The following LRGUK variants were observed in gnomAD, a reference collection of about 807,000 sequenced individuals.
The protein encoded by LRGUK is leucine-rich repeat and guanylate kinase domain-containing protein.
A neutral mutation model predicts 76.0 loss-of-function variants in LRGUK; 65 were observed. That is an observed-to-expected ratio of 0.85 (90% CI 0.70 to 1.05). The LOEUF (loss-of-function observed/expected upper bound fraction) is 1.05, where lower values mean the gene tolerates loss of function less well. Ranked by LOEUF, LRGUK falls within the 50% of genes least tolerant of loss-of-function variation. The pLI is 0.00. For synonymous variants in LRGUK, 268 were observed against 265.6 expected, an observed-to-expected ratio of 1.01 and a Z score of -0.09; for missense variants, 758 against 732.8, an observed-to-expected ratio of 1.03 and a Z score of -0.40.
chr7:134,185,192 C>T (rs1267229884), intron 11 of LRGUK, among the ~76,000 whole-genome samples: 2 of 151,930 alleles, frequency 1.3e-5, no homozygotes, highest in South Asian at 2.1e-4. Context: ...AAACTAGAAC[C>T]ATCCAAAAAA....
chr7:134,275,098 C>A, the LRGUK span, among the ~76,000 whole-genome samples: 1 of 151,984 alleles, frequency 6.6e-6, no homozygotes, highest in Non-Finnish European at 1.5e-5. Flanking sequence ...TTTTTCTCTA[C>A]TCTGATGTAT....
intron 7 of LRGUK, among the ~76,000 whole-genome samples, chr7:134,163,876 AG>A (rs111500104): frequency 9.0e-4 from 137 of 152,270 alleles, no homozygotes; most frequent in Middle Eastern, 3.4e-3. Flanking sequence ...CAGAGTAAGG[AG>A]GTTGGAGATA....
intron 3 of LRGUK, among the ~76,000 whole-genome samples, chr7:134,140,321 C>G (rs1797717419): frequency 6.6e-6 from 1 of 152,098 alleles, no homozygotes; most frequent in African/African-American, 2.4e-5. Context: ...TTATTGAGCA[C>G]CAGGGATTCA....
chr7:134,271,828 GT>G, the LRGUK span, among the ~76,000 whole-genome samples: 502 of 152,046 alleles, frequency 3.3e-3, 1 homozygote, highest in Non-Finnish European at 5.8e-3. Context: ...TAAATTGGAT[GT>G]TTTTAAAGGT....
chr7:134,178,509 G>T, exon 10 of LRGUK: 1 of 1,608,462 alleles, frequency 6.2e-7, no homozygotes, highest in Non-Finnish European at 8.5e-7. Flanking sequence ...AAAGGTTTCA[G>T]CAGTGAATAA....
intron 16 of LRGUK, among the ~76,000 whole-genome samples, chr7:134,226,315 T>C (rs1384538432): frequency 1.3e-5 from 2 of 151,454 alleles, no homozygotes; most frequent in African/African-American, 4.9e-5. Flanking sequence ...TGTTAAAGAT[T>C]GCATTCTTTC....
intron 5 of LRGUK, among the ~76,000 whole-genome samples, chr7:134,157,358 AG>A (rs1047979202): frequency 9.2e-5 from 14 of 152,344 alleles, no homozygotes; most frequent in Admixed American, 7.2e-4. Context: ...TTGCCCCTGC[AG>A]GGTGATCTGG....
intron 18 of LRGUK, among the ~76,000 whole-genome samples, chr7:134,255,389 G>C (rs2117219979): frequency 6.6e-6 from 1 of 152,262 alleles, no homozygotes; most frequent in African/African-American, 2.4e-5. Flanking sequence ...CAGAGCTGAG[G>C]TCTGAACCAA....
intron 15 of LRGUK, among the ~76,000 whole-genome samples, chr7:134,216,695 A>G (rs574169609): frequency 6.6e-6 from 1 of 152,290 alleles, no homozygotes; most frequent in Non-Finnish European, 1.5e-5. Context: ...TTGTCCAGAT[A>G]GTAGATATTT....
downstream of LRGUK, among the ~76,000 whole-genome samples, chr7:134,265,523 C>A (rs1257268086): frequency 6.6e-6 from 1 of 152,186 alleles, no homozygotes; most frequent in Non-Finnish European, 1.5e-5. Context: ...AAAGCCCACT[C>A]TCTCCAGCCA....
chr7:134,226,218 A>ATG (rs57035440), intron 16 of LRGUK, among the ~76,000 whole-genome samples: 9,524 of 141,528 alleles, frequency 0.067, 359 homozygotes, highest in African/African-American at 0.11. Context: ...CCCATCTCCA[A>ATG]TGTGTGTGTG....
intron 18 of LRGUK, among the ~76,000 whole-genome samples, chr7:134,256,088 C>T (rs1802571490): frequency 6.6e-6 from 1 of 152,092 alleles, no homozygotes; most frequent in African/African-American, 2.4e-5. Context: ...TATAAAACTC[C>T]AGGCCTCATG....
chr7:134,176,695 T>A (rs112897232), intron 8 of LRGUK, among the ~76,000 whole-genome samples: 1 of 152,062 alleles, frequency 6.6e-6, no homozygotes. Context: ...AATTAAATTT[T>A]AAAAAAAGAA....
chr7:134,275,602 G>T, the LRGUK span, among the ~76,000 whole-genome samples: 3 of 152,128 alleles, frequency 2.0e-5, no homozygotes, highest in African/African-American at 7.2e-5. Flanking sequence ...TATTTCTAGT[G>T]CCAGTTACCC....
rs113393042 is a variant in LRGUK at position 134,258,399 on chromosome 7, C to T, written c.2341C>T (p.Arg781Trp). ...CAGTGACAGTGAGACCGAAGAGACC[C>T]GGAAAGGTATGAGTTAGGCCAAGCG... Residue 781 changes from arginine (R) to tryptophan (W), a missense_variant, in exon 19 of 20, where the codon CGG (arginine) becomes TGG (tryptophan). Coordinates refer to the LRGUK transcript ENST00000285928. The T allele has an allele frequency of 6.9e-5, 112 of 1,613,608 alleles. 1 individual carries two copies. The African/African-American group carries it at 7.2e-4, about 10-fold the overall frequency.
At chr7:134,193,472 T>A (rs1800346008) in intron 12 of LRGUK, among the ~76,000 whole-genome samples, 1 of 152,194 alleles carries the variant, frequency 6.6e-6, no homozygotes. Flanking sequence ...ATCTGTAATC[T>A]AGTCTGGTTC....
intron 16 of LRGUK, among the ~76,000 whole-genome samples, chr7:134,240,791 G>C (rs967402784): frequency 1.3e-5 from 2 of 152,156 alleles, no homozygotes; most frequent in Middle Eastern, 3.2e-3. Flanking sequence ...AAATGGTAAG[G>C]GCAGCCAGAG....
intron 13 of LRGUK, 47 bp from the exon 14 acceptor site, chr7:134,199,173 A>C: frequency 6.6e-7 from 1 of 1,515,328 alleles, no homozygotes; most frequent in Admixed American, 1.7e-5. Flanking sequence ...AATGATTTCT[A>C]AATCATGTAT....
chr7:134,234,801 T>G (rs1340186839), intron 16 of LRGUK, among the ~76,000 whole-genome samples: 1 of 151,230 alleles, frequency 6.6e-6, no homozygotes, highest in East Asian at 1.9e-4. Flanking sequence ...TCCCTTCCAT[T>G]ATTTCCCTAT....
Sources: allele counts gnomAD v4.1 joint callset (sites outside exome capture counted in the v4.1 genomes callset), GRCh38; gene constraint gnomAD v4.1.1; transcripts MANE v1.5; gene names NCBI Gene and HGNC (gene_info 2026-07-23, HGNC 2026-07-21).